The following AGO4 variants were observed in gnomAD, a reference collection of about 807,000 sequenced individuals.
The protein encoded by AGO4 is argonaute RISC component 4, also known as protein argonaute-4.
Under a neutral mutation model 104.7 loss-of-function variants are expected in AGO4, and 33 were observed. The ratio of observed to expected loss-of-function variants is 0.32; its 90% CI spans 0.24 to 0.42. The LOEUF (loss-of-function observed/expected upper bound fraction) is 0.42, where lower values mean the gene tolerates loss of function less well. AGO4 is among the 10% of genes least tolerant of loss of function. AGO4 has a pLI of 1.00. For synonymous variants in AGO4, 331 were observed against 364.7 expected, an observed-to-expected ratio of 0.91 and a Z score of 1.05; for missense variants, 711 against 1,083.4, an observed-to-expected ratio of 0.66 and a Z score of 4.83.
intron 7 of AGO4, 28 bp downstream of exon 7, chr1:35,826,863 A>C (rs1406067497): frequency 1.3e-6 from 2 of 1,598,520 alleles, no homozygotes; most frequent in Non-Finnish European, 1.7e-6. Flanking sequence ...AAAGTAATAC[A>C]ATTACATTTT....
At chr1:35,833,107 C>T (rs369277941) in intron 11 of AGO4, among the ~76,000 whole-genome samples, 39 of 151,918 alleles carry the variant, frequency 2.6e-4, no homozygotes, top group African/African-American at 7.0e-4. Flanking sequence ...GGTGAAACCC[C>T]GTCTCTACTA....
In AGO4 at chr1:35,825,453, A is replaced by G. The variant is rs1251481168; in HGVS notation, c.447A>G (p.Val149=). ...TGAATGAAGTCCCAGATGACTCAGT[A>G]CAAGCACTTGATGTTATCACAAGAC... ...GHLNEVPDDS[V]QALDVITRHL... The change falls in exon 4 of 18, where the codon GTA becomes GTG. Residue 149 remains valine (V), a synonymous_variant. Transcript: ENST00000373210. 6.2e-7 allele frequency: 1 copy of G among 1,614,198 alleles called. No individual in the cohort carries two copies. The highest frequency in any genetic ancestry group is 2.2e-5 in the East Asian group (1 of 44,882).
intron 17 of AGO4, among the ~76,000 whole-genome samples, chr1:35,852,435 A>G (rs1644724621): frequency 6.6e-6 from 1 of 152,230 alleles, no homozygotes; most frequent in African/African-American, 2.4e-5. Flanking sequence ...TGTTACTCCG[A>G]AAGACCAAAG....
chr1:35,812,846 C>T (rs1643554029), intron 1 of AGO4, among the ~76,000 whole-genome samples: 1 of 152,078 alleles, frequency 6.6e-6, no homozygotes, highest in African/African-American at 2.4e-5. Context: ...CCCGCTTCAG[C>T]CTTCCAAAGT....
chr1:35,847,237 CTTT>C (rs1276730669), intron 15 of AGO4, among the ~76,000 whole-genome samples: 1 of 141,670 alleles, frequency 7.1e-6, no homozygotes. Context: ...TGTTTTTGGT[CTTT>C]TTTTTTTTTT....
In AGO4 at chr1:35,835,776, G is replaced by T; in HGVS notation, c.1565-58G>T. On this transcript the variant is annotated intron_variant, in intron 12 of 17. Transcript: ENST00000373210. ...TAATGTGTGGGGTTTTTTTCCTTCT[G>T]CTTTTAGTAATTAGGAGACCATTTA... 10 of 1,441,434 alleles carry T rather than the reference G, an allele frequency of 6.9e-6. No homozygotes were observed. The Admixed American group carries it at 1.2e-4, about 18-fold the overall frequency. 89.3% of individuals were successfully genotyped at this position (1,441,434 alleles called of 1,614,324 possible).
At chr1:35,810,279 T>TCAGATG (rs1489056879) in intron 1 of AGO4, among the ~76,000 whole-genome samples, 7 of 152,176 alleles carry the variant, frequency 4.6e-5, no homozygotes, top group Non-Finnish European at 1.0e-4. Flanking sequence ...AAGCATAGAA[T>TCAGATG]CAGAGCAAAG....
chr1:35,844,474 C>G (rs1258693203), intron 15 of AGO4, among the ~76,000 whole-genome samples: 1 of 152,166 alleles, frequency 6.6e-6, no homozygotes, highest in Admixed American at 6.5e-5. Flanking sequence ...ATACTCTTCT[C>G]AAGTCCCCTA....
At position 35,846,578 on chromosome 1, in the gene AGO4, C is replaced by T. The variant is rs1231014646; in HGVS notation, c.2176-3579C>T. 3.4e-5 allele frequency among the ~76,000 whole-genome samples: 5 copies of T among 146,450 alleles called. No individual in the cohort carries two copies. In the South Asian group the frequency reaches 8.8e-4, roughly 26 times the overall value. ...CACCACTGCACTCCAGCCTGGGAGA[C>T]AGAGTGAGACTCCATCTCAAAAAAA... On this transcript the variant is annotated intron_variant, in intron 15 of 17. Coordinates refer to ENST00000373210, the MANE Select transcript of AGO4 (RefSeq NM_017629.4).
rs1644793682 is a variant in AGO4 at position 35,855,319 on chromosome 1, T to G, written c.*1714T>G. 6.6e-6 allele frequency: 1 copy of G among 152,630 alleles called. No homozygotes were observed. The highest frequency in any genetic ancestry group is 6.6e-5 in the Admixed American group (1 of 15,266). 9.5% of individuals were successfully genotyped at this position (152,630 alleles called of 1,614,324 possible). On this transcript the variant is annotated 3_prime_UTR_variant, in exon 18 of 18. Coordinates refer to ENST00000373210, the MANE Select transcript of AGO4 (RefSeq NM_017629.4). Reference sequence around the variant, plus strand: ...CTGGTGGGGAAATGATGGTGAAGGGTGTTTGCTTGAACTCATGAGACGGTC... The same window carrying G: ...CTGGTGGGGAAATGATGGTGAAGGGGGTTTGCTTGAACTCATGAGACGGTC...
In AGO4 at chr1:35,841,813, T is replaced by C. The variant is rs1197692597; in HGVS notation, c.2175+63T>C. On this transcript the variant is annotated intron_variant, in intron 15 of 17. Coordinates refer to ENST00000373210, the MANE Select transcript of AGO4 (RefSeq NM_017629.4). This position sits in a 1 kb window ranked among gnomAD's most constrained non-coding sequence, Gnocchi z 4.7. ...CTGGCAAGAGATGTATATATGCACA[T>C]ATATATATATATATATATATATATA... is the stretch of plus-strand genomic sequence containing the variant. The C allele has an allele frequency of 4.0e-3, 35 of 8,642 alleles. No homozygotes were observed. The highest frequency in any genetic ancestry group is 0.071 in the Middle Eastern group (1 of 14). 0.5% of individuals were successfully genotyped at this position (8,642 alleles called of 1,614,324 possible).
intron 1 of AGO4, among the ~76,000 whole-genome samples, chr1:35,809,833 A>T (rs759950536): frequency 6.6e-6 from 1 of 152,248 alleles, no homozygotes; most frequent in African/African-American, 2.4e-5. Flanking sequence ...AAATGAGAGT[A>T]TATGATAAGT....
intron 1 of AGO4, among the ~76,000 whole-genome samples, chr1:35,814,765 T>A (rs996606351): frequency 6.6e-6 from 1 of 152,114 alleles, no homozygotes; most frequent in Non-Finnish European, 1.5e-5. Flanking sequence ...AATGAATAAT[T>A]AATATGTAAA....
intron 1 of AGO4, among the ~76,000 whole-genome samples, chr1:35,816,529 G>A (rs1305259718): frequency 7.2e-5 from 11 of 152,126 alleles, no homozygotes; most frequent in South Asian, 4.1e-4. Flanking sequence ...GGCCAGGTGC[G>A]GTGGCTCACG....
intron 15 of AGO4, among the ~76,000 whole-genome samples, chr1:35,846,635 G>A (rs1292732102): frequency 1.4e-5 from 2 of 147,828 alleles, no homozygotes; most frequent in Non-Finnish European, 3.0e-5. Flanking sequence ...ATATATTTAG[G>A]GACAGGGTCT....
In AGO4 at chr1:35,808,731, G is replaced by C. The variant is rs1056303355; in HGVS notation, c.19+296G>C. On this transcript the variant is annotated intron_variant, in intron 1 of 17. Transcript: ENST00000373210. The surrounding 1 kb of genome is among the most constrained non-coding windows in gnomAD (Gnocchi z 5.2). ...CCTCGGGGAGACGATATGTGCCCGGGGTCGCGACGAGGGTAGTTTGGGCCT... is the reference window on the plus strand; with the variant it reads ...CCTCGGGGAGACGATATGTGCCCGGCGTCGCGACGAGGGTAGTTTGGGCCT... Among the ~76,000 whole-genome samples, 19 of 152,146 alleles carry C rather than the reference G, an allele frequency of 1.2e-4. No individual in the cohort carries two copies. The highest frequency in any genetic ancestry group is 1.5e-5 in the Non-Finnish European group (1 of 68,004).
intron 1 of AGO4, among the ~76,000 whole-genome samples, chr1:35,814,845 T>C (rs1643639083): frequency 1.3e-5 from 2 of 152,186 alleles, no homozygotes; most frequent in South Asian, 4.1e-4. Flanking sequence ...GTATTTGCTC[T>C]AATTTTCCTA....
In AGO4 at chr1:35,850,032, G is replaced by C. The variant is rs12023090; in HGVS notation, c.2176-125G>C. 1,463 of 623,056 alleles carry C rather than the reference G, an allele frequency of 2.3e-3. 11 individuals carry two copies. The highest frequency in any genetic ancestry group is 0.012 in the African/African-American group (630 of 53,324). 38.6% of individuals were successfully genotyped at this position (623,056 alleles called of 1,614,324 possible). A position where few individuals can be genotyped will look rare whatever the true frequency, so the allele number is the denominator to read the frequency against. On this transcript the variant is annotated intron_variant, in intron 15 of 17. Coordinates refer to ENST00000373210, the MANE Select transcript of AGO4 (RefSeq NM_017629.4). ...TTACAGAGGATTCAACATCTTGAAT[G>C]AAAGTGATTTTCAAGACTTAAGAGA...
At chr1:35,821,742 A>G (rs948022522) in intron 2 of AGO4, among the ~76,000 whole-genome samples, 9 of 152,208 alleles carry the variant, frequency 5.9e-5, no homozygotes, top group African/African-American at 1.7e-4. Context: ...AGCACTTTGG[A>G]ATAAGACAAG....
Sources: allele counts gnomAD v4.1 joint callset (sites outside exome capture counted in the v4.1 genomes callset), GRCh38; gene constraint gnomAD v4.1.1; non-coding constraint Gnocchi (gnomAD v3.1); transcripts MANE v1.5; gene names NCBI Gene and HGNC (gene_info 2026-07-23, HGNC 2026-07-21).